ADAM12: variants seen among roughly 807,000 people sequenced by gnomAD.
ADAM12 encodes ADAM metallopeptidase domain 12, also known as disintegrin and metalloproteinase domain-containing protein 12.
A neutral mutation model predicts 106.4 loss-of-function variants in ADAM12; 70 were observed. The observed-to-expected ratio is 0.66, with a 90% CI of 0.54 to 0.80. The LOEUF (loss-of-function observed/expected upper bound fraction) is 0.80. Ranked by LOEUF, ADAM12 falls within the 30% of genes least tolerant of loss-of-function variation. ADAM12 has a pLI of 0.00. For missense variants in ADAM12, 1,010 were observed against 1,171.9 expected, an observed-to-expected ratio of 0.86 and a Z score of 2.02; for synonymous variants, 420 against 433.5, an observed-to-expected ratio of 0.97 and a Z score of 0.39.
intron 14 of ADAM12, among the ~76,000 whole-genome samples, chr10:126,058,564 A>G (rs1183909270): frequency 6.6e-6 from 1 of 152,226 alleles, no homozygotes; most frequent in Non-Finnish European, 1.5e-5. Flanking sequence ...GGGAAACCAA[A>G]GGGGGCTGAG....
At chr10:126,094,560 G>A (rs1670014335) in intron 10 of ADAM12, among the ~76,000 whole-genome samples, 1 of 152,154 alleles carries the variant, frequency 6.6e-6, no homozygotes, top group African/African-American at 2.4e-5. Context: ...TGATATAAAG[G>A]TGACAGGTGC....
intron 5 of ADAM12, among the ~76,000 whole-genome samples, chr10:126,120,728 T>C (rs1161407046): frequency 1.3e-5 from 2 of 151,500 alleles, no homozygotes. Flanking sequence ...CAGTTCAGCA[T>C]GTCAAAGATC....
At chr10:126,369,679 A>C (rs1014613394) in intron 1 of ADAM12, among the ~76,000 whole-genome samples, 1 of 152,208 alleles carries the variant, frequency 6.6e-6, no homozygotes, top group Non-Finnish European at 1.5e-5. Flanking sequence ...GGACTTGTAC[A>C]TAGTGAGTGG....
At chr10:126,114,043 T>C (rs1398474917) in intron 6 of ADAM12, among the ~76,000 whole-genome samples, 1 of 152,108 alleles carries the variant, frequency 6.6e-6, no homozygotes, top group Admixed American at 6.6e-5. Flanking sequence ...CAACGCTCCA[T>C]GCCTTGACTC....
chr10:126,330,778 G>A (rs985119978), intron 1 of ADAM12, among the ~76,000 whole-genome samples: 1 of 152,172 alleles, frequency 6.6e-6, no homozygotes, highest in African/African-American at 2.4e-5. Context: ...TCATAGACAA[G>A]ATATATAATT....
chr10:126,228,864 T>C (rs2366478), intron 3 of ADAM12, among the ~76,000 whole-genome samples: 21,954 of 152,144 alleles, frequency 0.14, 1,954 homozygotes, highest in African/African-American at 0.25. Flanking sequence ...AAGTATAAAA[T>C]AAACCAAATG....
chr10:126,179,814 T>C (rs10901552), intron 3 of ADAM12, among the ~76,000 whole-genome samples: 80,669 of 151,834 alleles, frequency 0.53, 22,902 homozygotes, highest in African/African-American at 0.74. Flanking sequence ...ATGCATGGCA[T>C]GCAAGGTTGA....
chr10:126,114,518 C>T (rs965174867), intron 6 of ADAM12, among the ~76,000 whole-genome samples: 2 of 152,180 alleles, frequency 1.3e-5, no homozygotes, highest in Non-Finnish European at 1.5e-5. Flanking sequence ...TCACTCTTGT[C>T]GCCCAGGCTA....
rs553065641 is a variant in ADAM12, at chr10:126,288,706, C to T, written c.187-9718G>A. On this transcript the variant is annotated intron_variant, in intron 2 of 22. Transcript: ENST00000448723. ...TGACGTGGTGATCCAGGGACAGGAC[C>T]GTGTGGTGACATAGTGGCCCTAGGG... Among the ~76,000 whole-genome samples the T allele has an allele frequency of 3.4e-5, 5 of 145,726 alleles. No individual in the cohort carries two copies. The East Asian group carries it at 8.0e-4, about 23-fold the overall frequency.
At position 126,112,703 on chromosome 10, in the gene ADAM12, T is replaced by C. The variant is rs142200556; in HGVS notation, c.604-2863A>G. On this transcript the variant is annotated intron_variant, in intron 6 of 22. Coordinates refer to ENST00000448723, the MANE Select transcript of ADAM12 (RefSeq NM_001288973.2). ...TCCTCATTGCAATTCTTTCTTCATA[T>C]GGGTCAGACCATTTGTATAACATTT... is the stretch of plus-strand genomic sequence containing the variant. 3.3e-3 allele frequency among the ~76,000 whole-genome samples: 501 copies of C among 152,350 alleles called. 4 individuals carry two copies. The highest frequency in any genetic ancestry group is 0.01 in the Middle Eastern group (3 of 294).
intron 3 of ADAM12, among the ~76,000 whole-genome samples, chr10:126,191,708 T>G (rs1015059451): frequency 6.6e-6 from 1 of 152,184 alleles, no homozygotes; most frequent in African/African-American, 2.4e-5. Flanking sequence ...TAGCTTAACA[T>G]AGGGTTTGAG....
intron 3 of ADAM12, among the ~76,000 whole-genome samples, chr10:126,192,570 T>C (rs761557208): frequency 2.0e-5 from 3 of 152,200 alleles, no homozygotes; most frequent in African/African-American, 7.2e-5. Flanking sequence ...AAATGTGACA[T>C]GGGAATCAAC....
Position 126,016,333 on chromosome 10 carries a change from C to T in ADAM12, c.*946G>A, listed in dbSNP as rs1953660555. The T allele has an allele frequency of 6.6e-6, 1 of 152,122 alleles. No individual in the cohort carries two copies. The highest frequency in any genetic ancestry group is 2.1e-4 in the South Asian group (1 of 4,830). 9.4% of individuals were successfully genotyped at this position (152,122 alleles called of 1,614,324 possible). On this transcript the variant is annotated 3_prime_UTR_variant, in exon 23 of 23. Transcript: ENST00000448723. ...GTTGTGGTCCCATGGAAAGCCTCAT[C>T]TGTCTGAATACAGGATCATTGTATT...
chr10:126,258,193 T>C (rs979396943), intron 3 of ADAM12, among the ~76,000 whole-genome samples: 2 of 152,226 alleles, frequency 1.3e-5, no homozygotes, highest in Non-Finnish European at 2.9e-5. Flanking sequence ...ATAAGTTTAT[T>C]CAGATTGCTT....
At chr10:126,149,822 G>A (rs541251248) in intron 4 of ADAM12, among the ~76,000 whole-genome samples, 5 of 152,286 alleles carry the variant, frequency 3.3e-5, no homozygotes, top group Admixed American at 6.5e-5. Context: ...CCCTACTTTT[G>A]AGGTTTTGGG....
chr10:126,260,730 C>T (rs1232981519), intron 3 of ADAM12, among the ~76,000 whole-genome samples: 1 of 152,164 alleles, frequency 6.6e-6, no homozygotes, highest in African/African-American at 2.4e-5. Flanking sequence ...AATCTTAAGA[C>T]AGAAGGGGTG....
chr10:126,300,069 T>A (rs1407506726), intron 2 of ADAM12, among the ~76,000 whole-genome samples: 1 of 152,246 alleles, frequency 6.6e-6, no homozygotes, highest in Non-Finnish European at 1.5e-5. Flanking sequence ...CTTGAATTCA[T>A]AAATGGATCG....
intron 16 of ADAM12, among the ~76,000 whole-genome samples, chr10:126,047,304 T>C (rs1163277960): frequency 6.6e-6 from 1 of 151,990 alleles, no homozygotes; most frequent in Non-Finnish European, 1.5e-5. Flanking sequence ...GGCATAGCCT[T>C]TGGGAGAAGC....
rs866255557 is a variant in ADAM12 at position 126,132,533 on chromosome 10, C to T, written c.416+3051G>A. 6.3e-5 allele frequency among the ~76,000 whole-genome samples: 9 copies of T among 142,276 alleles called. No individual in the cohort carries two copies. In the South Asian group the frequency reaches 1.0e-3, roughly 16 times the overall value. The allele number at this position is 142,276 out of a possible 152,430, so 93.3% of individuals were successfully genotyped here. A position where few individuals can be genotyped will look rare whatever the true frequency, so the allele number is the denominator to read the frequency against. On this transcript the variant is annotated intron_variant, in intron 5 of 22. Coordinates refer to ENST00000448723, the MANE Select transcript of ADAM12 (RefSeq NM_001288973.2). ...GGAGTGCTGCATGAACACCCCCCCC[C>T]CCTCAACTAGTCCAGTCCCAGAATC...
Sources: gnomAD v4.1 joint callset for allele counts (sites outside exome capture counted in the v4.1 genomes callset) on GRCh38, gnomAD v4.1.1 for gene constraint, MANE v1.5 for transcripts, NCBI Gene and HGNC (gene_info 2026-07-23, HGNC 2026-07-21) for gene names.